Variants in TMEM39A observed in about 807,000 individuals in gnomAD.
TMEM39A encodes suppressor of SQST-1 aggregates in rpl-43 mutants.
TMEM39A carries 19 observed loss-of-function variants against 51.9 expected under a neutral mutation model. That is an observed-to-expected ratio of 0.37 (90% confidence interval 0.26 to 0.54). The LOEUF is 0.54. TMEM39A is among the 20% of genes least tolerant of loss of function. TMEM39A has a pLI of 0.88. For synonymous variants in TMEM39A, 197 were observed against 220.2 expected (o/e 0.89, Z 0.93); for missense variants, 433 against 590.5 (o/e 0.73, Z 2.76).
At chr3:119,457,950 CA>C in intron 3 of TMEM39A, 67 bp downstream of exon 3, 1 of 1,202,986 alleles carries the variant, frequency 8.3e-7, no homozygotes, top group Non-Finnish European at 1.2e-6. Flanking sequence ...ACAATTTCTA[CA>C]GAAAGGCTTT....
chr3:119,441,329 A>C (rs1314700915), intron 5 of TMEM39A, among the ~76,000 whole-genome samples: 1 of 152,248 alleles, frequency 6.6e-6, no homozygotes, highest in African/African-American at 2.4e-5. Flanking sequence ...TTGTAAATGC[A>C]AAGAAAAAGT....
At chr3:119,455,396 T>C (rs1029905060) in intron 3 of TMEM39A, among the ~76,000 whole-genome samples, 7 of 152,260 alleles carry the variant, frequency 4.6e-5, no homozygotes, top group Admixed American at 3.9e-4. Flanking sequence ...GCAAAGATTA[T>C]GTGCATCAGA....
chr3:119,437,977 C>T lies in TMEM39A; in HGVS notation c.702G>A (p.Leu234=). Residue 234 remains leucine, a synonymous_variant, in exon 6 of 9, where the codon TTG becomes TTA. Coordinates refer to ENST00000319172, the MANE Select transcript of TMEM39A (RefSeq NM_018266.3). ...VEESASTVGG[L]AKSKDFLSLL... ...AGGAGAGAAAGTCTTTGGATTTGGCCAAGCCTCCCACAGTCGAGGCACTTT... is the reference window on the plus strand; with the variant it reads ...AGGAGAGAAAGTCTTTGGATTTGGCTAAGCCTCCCACAGTCGAGGCACTTT... 1 of 1,614,102 alleles carries T rather than the reference C, an allele frequency of 6.2e-7. No individual in the cohort carries two copies. Among genetic ancestry groups the T allele is most frequent in the Non-Finnish European group, 8.5e-7 (1 of 1,180,002 alleles).
rs1249714910 is a variant in TMEM39A at position 119,461,986 on chromosome 3, C to T, written c.89G>A (p.Gly30Asp). The change falls in exon 2 of 9, where the codon GGC becomes GAC. Residue 30 changes from glycine to aspartate, a missense_variant. By Grantham distance (94) the Gly-to-Asp change is moderately conservative (BLOSUM62 -1). Transcript: ENST00000319172. The stretch of plus-strand genomic sequence containing the variant: ...CCTGTTTCTCAAGCCTGTTCCATTG[C>T]CACAGCCTCCACCAACCAAAGTCTG... The part of the protein sequence containing the change: ...SLQTLVGGGC[G>D]NGTGLRNRNG... The T allele has an allele frequency of 6.2e-7, 1 of 1,614,058 alleles. No homozygotes were observed. The highest frequency in any genetic ancestry group is 1.7e-5 in the Admixed American group (1 of 60,008).
chr3:119,459,322 T>C (rs879580578), intron 2 of TMEM39A, among the ~76,000 whole-genome samples: 3 of 152,188 alleles, frequency 2.0e-5, no homozygotes, highest in African/African-American at 7.2e-5. Context: ...GGCAAAGGGT[T>C]AACACAGCAG....
At chr3:119,456,798 G>T (rs1238852448) in intron 3 of TMEM39A, among the ~76,000 whole-genome samples, 2 of 152,116 alleles carry the variant, frequency 1.3e-5, no homozygotes, top group Non-Finnish European at 2.9e-5. Context: ...TAGAGACAAG[G>T]TCTCACTATG....
intron 6 of TMEM39A, among the ~76,000 whole-genome samples, chr3:119,437,530 A>C (rs1452125030): frequency 6.6e-6 from 1 of 151,598 alleles, no homozygotes; most frequent in Non-Finnish European, 1.5e-5. Flanking sequence ...ACTTAAAAAA[A>C]AAAAAAAAAA....
intron 2 of TMEM39A, among the ~76,000 whole-genome samples, chr3:119,460,507 T>A (rs1232203867): frequency 1.3e-5 from 2 of 152,156 alleles, no homozygotes; most frequent in African/African-American, 4.8e-5. Context: ...TTAAAACACA[T>A]AGGAAAATGA....
At chr3:119,442,510 G>A (rs981565314) in intron 5 of TMEM39A, among the ~76,000 whole-genome samples, 2 of 152,156 alleles carry the variant, frequency 1.3e-5, no homozygotes, top group Non-Finnish European at 2.9e-5. Flanking sequence ...AATACGTTTT[G>A]TAAGGCTATT....
chr3:119,437,766 A>G lies in TMEM39A; in HGVS notation c.913T>C (p.Cys305Arg). The change falls in exon 6 of 9, where the codon TGT becomes CGT. Residue 305 changes from cysteine to arginine, a missense_variant. By Grantham distance (180) the Cys-to-Arg change is radical. Coordinates refer to ENST00000319172, the MANE Select transcript of TMEM39A (RefSeq NM_018266.3). ...AGATAACCACTTACCTTCACAAAAC[A>G]CAGGGGGAGAAATGCAACATAGTAG... ...SAYYVAFLPL[C>R]FVKSTQYYDM... 6.5e-7 allele frequency: 1 copy of G among 1,545,546 alleles called. No individual in the cohort carries two copies. Among genetic ancestry groups the G allele is most frequent in the Non-Finnish European group, 8.8e-7 (1 of 1,140,710 alleles).
chr3:119,461,099 C>T (rs1017826787), intron 2 of TMEM39A, among the ~76,000 whole-genome samples: 3 of 152,108 alleles, frequency 2.0e-5, no homozygotes, highest in African/African-American at 7.2e-5. Context: ...ATCCAACGAA[C>T]GGCAGAGTAA....
chr3:119,447,407 T>C (rs897007453), intron 4 of TMEM39A, among the ~76,000 whole-genome samples: 2 of 152,176 alleles, frequency 1.3e-5, no homozygotes, highest in African/African-American at 2.4e-5. Flanking sequence ...AGAACTCTTT[T>C]AAGGTCTTTT....
chr3:119,462,242 A>T, intron 1 of TMEM39A, 94 bp from the exon 2 acceptor site: 1 of 573,068 alleles, frequency 1.7e-6, no homozygotes, highest in Non-Finnish European at 3.1e-6. Context: ...GCCTTACAAA[A>T]TAAGATTTTC....
intron 5 of TMEM39A, among the ~76,000 whole-genome samples, chr3:119,440,768 C>A (rs1036918481): frequency 6.6e-6 from 1 of 152,032 alleles, no homozygotes; most frequent in South Asian, 2.1e-4. Flanking sequence ...TTAAAAGTAA[C>A]GAAGGCAAAT....
At chr3:119,450,826 C>CAAAAAAAAAAAAAAA (rs60326718) in intron 4 of TMEM39A, among the ~76,000 whole-genome samples, 1 of 55,900 alleles carries the variant, frequency 1.8e-5, no homozygotes, top group Non-Finnish European at 3.0e-5. Context: ...GACTCCATCT[C>CAAAAAAAAAAAAAAA]AAAAAAAAAA....
intron 4 of TMEM39A, among the ~76,000 whole-genome samples, chr3:119,448,221 A>G (rs1223305526): frequency 6.6e-6 from 1 of 152,216 alleles, no homozygotes; most frequent in East Asian, 1.9e-4. Context: ...GCAAATCTTT[A>G]AAACTGACTA....
At chr3:119,435,958 T>C (rs1329114776) in intron 7 of TMEM39A, 2 of 1,284,628 alleles carry the variant, frequency 1.6e-6, no homozygotes, top group Admixed American at 2.3e-5. Flanking sequence ...TCAAGGCAGA[T>C]AATTGAAGGG....
intron 4 of TMEM39A, among the ~76,000 whole-genome samples, chr3:119,449,787 C>T (rs919947472): frequency 4.6e-5 from 7 of 152,026 alleles, no homozygotes; most frequent in Non-Finnish European, 8.8e-5. Flanking sequence ...GGTGAAAAAA[C>T]AGCTAAATTT....
intron 4 of TMEM39A, among the ~76,000 whole-genome samples, chr3:119,449,316 G>GT (rs1334385008): frequency 1.3e-5 from 2 of 152,304 alleles, no homozygotes; most frequent in South Asian, 4.1e-4. Context: ...GCTCACACCT[G>GT]TAATCCCAGC....
Sources: gnomAD v4.1 joint callset for allele counts (sites outside exome capture counted in the v4.1 genomes callset) on GRCh38, gnomAD v4.1.1 for gene constraint, MANE v1.5 for transcripts, NCBI Gene and HGNC (gene_info 2026-07-23, HGNC 2026-07-21) for gene names.